IPCEF1: variants seen among roughly 807,000 people sequenced by gnomAD.
IPCEF1 encodes interactor protein for cytohesin exchange factors 1.
Under a neutral mutation model 50.9 loss-of-function variants are expected in IPCEF1, and 31 were observed. That is an observed-to-expected ratio of 0.61 (90% CI 0.46 to 0.82). The LOEUF is 0.82. Ranked by LOEUF, IPCEF1 falls within the 40% of genes least tolerant of loss-of-function variation. IPCEF1 has a pLI of 0.00. For missense variants in IPCEF1, 458 were observed against 514.0 expected (o/e 0.89, Z 1.05); for synonymous variants, 181 against 192.0 (o/e 0.94, Z 0.47).
At chr6:154,297,448 G>A (rs1007540547) in intron 1 of IPCEF1, among the ~76,000 whole-genome samples, 1 of 152,186 alleles carries the variant, frequency 6.6e-6, no homozygotes, top group South Asian at 2.1e-4. Flanking sequence ...GTGCAGGTCT[G>A]GCAATGCTAT....
chr6:154,169,576 C>A (rs750206469), intron 10 of IPCEF1, among the ~76,000 whole-genome samples: 4 of 152,180 alleles, frequency 2.6e-5, no homozygotes, highest in Non-Finnish European at 4.4e-5. Context: ...ATGTCCTTCC[C>A]AGAACTACCC....
At chr6:154,203,095 A>G (rs1015489760) in intron 9 of IPCEF1, among the ~76,000 whole-genome samples, 5 of 152,216 alleles carry the variant, frequency 3.3e-5, no homozygotes, top group African/African-American at 1.2e-4. Flanking sequence ...GGAGAAACCA[A>G]TAGCCAACAT....
At position 154,199,788 on chromosome 6, in the gene IPCEF1, C is replaced by G; in HGVS notation, c.790G>C (p.Val264Leu). 6.2e-7 allele frequency: 1 copy of G among 1,614,218 alleles called. No individual in the cohort carries two copies. Among genetic ancestry groups the G allele is most frequent in the Non-Finnish European group, 8.5e-7 (1 of 1,180,040 alleles). The change falls in exon 10 of 12, where the codon GTC becomes CTC. Residue 264 changes from valine to leucine, a missense_variant. Physicochemically the swap from Val to Leu is conservative, Grantham distance 32. Transcript: ENST00000367220. ...GIHKALENSFVTSESGFLNSL... is the reference protein window; with the variant it reads ...GIHKALENSFLTSESGFLNSL... The stretch of plus-strand genomic sequence containing the variant: ...TTCAAAAATCCACTTTCTGATGTGA[C>G]AAAACTGTTTTCCAGGGCCTTGTGG...
chr6:154,173,618 T>C (rs960225716), intron 10 of IPCEF1, among the ~76,000 whole-genome samples: 1 of 151,920 alleles, frequency 6.6e-6, no homozygotes, highest in African/African-American at 2.4e-5. Context: ...GACAAGATTA[T>C]AGAAAAAAGA....
intron 10 of IPCEF1, among the ~76,000 whole-genome samples, chr6:154,194,075 C>T (rs1435969396): frequency 6.6e-6 from 1 of 152,200 alleles, no homozygotes; most frequent in Admixed American, 6.5e-5. Context: ...CAGGGCAGAT[C>T]ACTGTTAATA....
intron 2 of IPCEF1, among the ~76,000 whole-genome samples, chr6:154,287,076 A>AG (rs1782380262): frequency 6.6e-6 from 1 of 152,182 alleles, no homozygotes; most frequent in Admixed American, 6.5e-5. Flanking sequence ...TGGGCAACAT[A>AG]GCAAAGCCCC....
chr6:154,205,241 G>C (rs1777394905), intron 9 of IPCEF1, among the ~76,000 whole-genome samples: 1 of 152,096 alleles, frequency 6.6e-6, no homozygotes, highest in Non-Finnish European at 1.5e-5. Flanking sequence ...ATGCTCAAGG[G>C]AGAAGACACC....
chr6:154,342,556 G>A (rs574142402), intron 1 of IPCEF1, among the ~76,000 whole-genome samples: 1 of 152,034 alleles, frequency 6.6e-6, no homozygotes, highest in Non-Finnish European at 1.5e-5. Flanking sequence ...TGAGTAGCTG[G>A]GATCACAGGC....
intron 5 of IPCEF1, among the ~76,000 whole-genome samples, chr6:154,239,173 A>G (rs1295782025): frequency 6.6e-6 from 1 of 152,196 alleles, no homozygotes; most frequent in African/African-American, 2.4e-5. Context: ...AATTTTGAAA[A>G]GTTTGGAAAG....
rs145028793 is a variant in IPCEF1 at position 154,348,980 on chromosome 6, C to T, written c.-62+7692G>A. Among the ~76,000 whole-genome samples the T allele has an allele frequency of 1.5e-4, 23 of 152,148 alleles. 1 individual carries two copies. In the East Asian group the frequency reaches 3.7e-3, roughly 24 times the overall value. On this transcript the variant is annotated intron_variant, in intron 1 of 11. Transcript: ENST00000367220. ...AATGCATGGTTTTCATGTTTACAGC[C>T]GTTTGCTTAGTTTTTCAAATAATTA...
At chr6:154,338,645 T>G (rs371541425) in intron 1 of IPCEF1, among the ~76,000 whole-genome samples, 107 of 152,300 alleles carry the variant, frequency 7.0e-4, no homozygotes, top group African/African-American at 2.3e-3. Flanking sequence ...CCTCTAAATG[T>G]TAACTGCCCA....
intron 10 of IPCEF1, among the ~76,000 whole-genome samples, chr6:154,178,397 C>T (rs1454625542): frequency 6.6e-6 from 1 of 151,998 alleles, no homozygotes; most frequent in Non-Finnish European, 1.5e-5. Context: ...AATATATTCC[C>T]TACATGAAAA....
intron 9 of IPCEF1, among the ~76,000 whole-genome samples, chr6:154,205,002 G>A (rs561781306): frequency 5.2e-4 from 79 of 152,222 alleles, no homozygotes; most frequent in African/African-American, 1.9e-3. Flanking sequence ...CTTCCCTGTG[G>A]ATGTTGGGTG....
At chr6:154,226,117 G>C (rs1166674761) in intron 5 of IPCEF1, among the ~76,000 whole-genome samples, 2 of 152,112 alleles carry the variant, frequency 1.3e-5, no homozygotes, top group East Asian at 3.8e-4. Context: ...GTTCACTAGA[G>C]TTCTGTCCAC....
In IPCEF1 at chr6:154,168,635, T is replaced by C. The variant is rs1010121773; in HGVS notation, c.911-522A>G. 6.6e-6 allele frequency among the ~76,000 whole-genome samples: 1 copy of C among 152,142 alleles called. No homozygotes were observed. Among genetic ancestry groups the C allele is most frequent in the African/African-American group, 2.4e-5 (1 of 41,410 alleles). On this transcript the variant is annotated intron_variant, in intron 10 of 11. Transcript: ENST00000367220. This position sits in a 1 kb window ranked among gnomAD's most constrained non-coding sequence, Gnocchi z 4.1. ...TATTATTTTTTTTGAGACGGAGTTT[T>C]ACTGCTGTTGCCCAGGCTAAAGTGA...
intron 7 of IPCEF1, among the ~76,000 whole-genome samples, chr6:154,215,751 A>C (rs1462077726): frequency 6.6e-6 from 1 of 152,334 alleles, no homozygotes; most frequent in South Asian, 2.1e-4. Context: ...AATTGGACCA[A>C]TGAAGAGCCC....
intron 2 of IPCEF1, among the ~76,000 whole-genome samples, chr6:154,278,544 G>A (rs1782122781): frequency 6.6e-6 from 1 of 152,016 alleles, no homozygotes; most frequent in Non-Finnish European, 1.5e-5. Context: ...TTCCTGTCAT[G>A]GTCAAAACAA....
At position 154,157,330 on chromosome 6, in the gene IPCEF1, AG is replaced by A. The variant is rs1798757244; in HGVS notation, c.*2497del. The stretch of plus-strand genomic sequence containing the variant: ...CCTGGTCAAAAGCAAAATAATTTAC[AG>A]GGGGAAAAACACGAATGAGCAGGCA... On this transcript the variant is annotated 3_prime_UTR_variant, in exon 12 of 12. Coordinates refer to ENST00000367220, the MANE Select transcript of IPCEF1 (RefSeq NM_001130700.2). 6.6e-6 allele frequency: 1 copy of A among 152,338 alleles called. No individual in the cohort carries two copies. The allele number at this position is 152,338 out of a possible 1,614,324, so 9.4% of individuals were successfully genotyped here. A position where few individuals can be genotyped will look rare whatever the true frequency, so the allele number is the denominator to read the frequency against.
intron 1 of IPCEF1, among the ~76,000 whole-genome samples, chr6:154,327,382 A>G (rs1042078046): frequency 6.6e-6 from 1 of 152,204 alleles, no homozygotes; most frequent in African/African-American, 2.4e-5. Context: ...AAAAACAAAC[A>G]AGCCCATTAA....
Sources: gnomAD v4.1 joint callset for allele counts (sites outside exome capture counted in the v4.1 genomes callset) on GRCh38, gnomAD v4.1.1 for gene constraint, Gnocchi (gnomAD v3.1) non-coding constraint, MANE v1.5 for transcripts, NCBI Gene and HGNC (gene_info 2026-07-23, HGNC 2026-07-21) for gene names.